Variants in RP1 observed in about 807,000 individuals in gnomAD.
RP1 encodes the protein RP1 axonemal microtubule associated.
RP1 carries 16 observed loss-of-function variants against 14.8 expected under a neutral mutation model. That is an observed-to-expected ratio of 1.08 (90% CI 0.73 to 1.65). The LOEUF (loss-of-function observed/expected upper bound fraction) is 1.65. Among genes scored for constraint, RP1 ranks in the 40% most tolerant of loss-of-function variants. RP1 has a pLI of 0.00. For missense variants in RP1, 2,631 were observed against 2,535.0 expected (o/e 1.04, Z -0.81); for synonymous variants, 876 against 883.6 (o/e 0.99, Z 0.15).
intron 1 of RP1, among the ~76,000 whole-genome samples, chr8:54,606,918 T>C (rs10111024): frequency 0.46 from 69,346 of 151,936 alleles, 17,557 homozygotes; most frequent in African/African-American, 0.66. Flanking sequence ...GACTTCTCTG[T>C]ATTGGTTATT....
chr8:54,741,707 G>GCA (rs1554528861), intron 19 of RP1, among the ~76,000 whole-genome samples: 628 of 58,038 alleles, frequency 0.011, 4 homozygotes, highest in Non-Finnish European at 0.016. Context: ...AAATGTGTGT[G>GCA]TATATATATA....
intron 1 of RP1, among the ~76,000 whole-genome samples, chr8:54,590,082 A>T (rs942481380): frequency 5.3e-5 from 8 of 151,994 alleles, no homozygotes; most frequent in African/African-American, 1.9e-4. Flanking sequence ...CTGCCATTCC[A>T]CTGTGCTCAG....
chr8:54,775,472 C>T (rs1810010740), intron 23 of RP1, among the ~76,000 whole-genome samples: 1 of 152,138 alleles, frequency 6.6e-6, no homozygotes, highest in Non-Finnish European at 1.5e-5. Flanking sequence ...AAAGCCTGGA[C>T]CTTATAGAGA....
chr8:54,567,146 T>C (rs968921224), intron 1 of RP1, among the ~76,000 whole-genome samples: 3 of 152,228 alleles, frequency 2.0e-5, no homozygotes, highest in Non-Finnish European at 4.4e-5. Flanking sequence ...GACTTTTGCT[T>C]GTCCAAAGAA....
chr8:54,814,560 G>T (rs913265977), intron 24 of RP1, among the ~76,000 whole-genome samples: 3 of 152,148 alleles, frequency 2.0e-5, no homozygotes, highest in Middle Eastern at 3.2e-3. Flanking sequence ...GTCCTGGTAT[G>T]GAACTCAGCA....
At chr8:54,661,840 G>A (rs995974112) in intron 6 of RP1, among the ~76,000 whole-genome samples, 10 of 152,010 alleles carry the variant, frequency 6.6e-5, no homozygotes, top group African/African-American at 2.4e-4. Flanking sequence ...CTATTTATCT[G>A]TCTTCAAGCT....
intron 6 of RP1, among the ~76,000 whole-genome samples, chr8:54,657,194 TC>T (rs1806773590): frequency 6.6e-6 from 1 of 152,172 alleles, no homozygotes; most frequent in Non-Finnish European, 1.5e-5. Flanking sequence ...TCACTATTCT[TC>T]CTCATCAGCC....
intron 3 of RP1, among the ~76,000 whole-genome samples, chr8:54,645,026 A>G (rs1163648627): frequency 6.6e-6 from 1 of 152,192 alleles, no homozygotes; most frequent in Non-Finnish European, 1.5e-5. Flanking sequence ...AATTTATATC[A>G]TAATTACATC....
intron 24 of RP1, among the ~76,000 whole-genome samples, chr8:54,787,108 G>A (rs188532759): frequency 1.4e-4 from 21 of 152,260 alleles, no homozygotes; most frequent in Non-Finnish European, 2.5e-4. Flanking sequence ...GCAAAATGGT[G>A]TCAGTGGCTT....
chr8:54,770,300 T>C (rs969250030), downstream of RP1: 2 of 393,910 alleles, frequency 5.1e-6, no homozygotes, highest in African/African-American at 4.1e-5. Context: ...ATACTTAAAA[T>C]GAACACGGAA....
intron 19 of RP1, among the ~76,000 whole-genome samples, chr8:54,742,162 A>T (rs1809113668): frequency 6.6e-6 from 1 of 152,158 alleles, no homozygotes; most frequent in South Asian, 2.1e-4. Context: ...GTATGGAAGC[A>T]CTAGATTATA....
chr8:54,574,955 G>C (rs922404959), intron 1 of RP1, among the ~76,000 whole-genome samples: 3 of 152,072 alleles, frequency 2.0e-5, no homozygotes, highest in Admixed American at 2.0e-4. Context: ...CTCATTAAAG[G>C]CCATCTTTGG....
chr8:54,612,856 T>C (rs538578904), upstream of RP1, among the ~76,000 whole-genome samples: 25 of 152,300 alleles, frequency 1.6e-4, no homozygotes, highest in African/African-American at 5.5e-4. Context: ...CTGAACACCA[T>C]TTCCCCTGAC....
chr8:54,626,354 C>A lies in RP1; in HGVS notation c.2472C>A (p.Asn824Lys). 3 of 1,613,460 alleles carry A rather than the reference C, an allele frequency of 1.9e-6. No homozygotes were observed. Among genetic ancestry groups the A allele is most frequent in the Non-Finnish European group, 2.5e-6 (3 of 1,179,832 alleles). The change falls in exon 4 of 4, where the codon AAC becomes AAA. Residue 824 changes from asparagine (N) to lysine (K), a missense_variant. Asn to Lys is a moderately conservative substitution (Grantham distance 94). Transcript: ENST00000220676. Reference sequence around the variant, plus strand: ...ACAAAAGTTTATTTCATGTATTTAACATCCTTGAGCAAAAACCCAAAGATT... The same window carrying A: ...ACAAAAGTTTATTTCATGTATTTAAAATCCTTGAGCAAAAACCCAAAGATT... ...FENKSLFHVF[N>K]ILEQKPKDFY...
At chr8:54,560,194 G>T (rs1804253951) in intron 1 of RP1, 1 of 152,106 alleles carries the variant, frequency 6.6e-6, no homozygotes, top group Non-Finnish European at 1.5e-5. Flanking sequence ...TGATGTGAGG[G>T]TTGGGACCTC....
At chr8:54,591,562 C>G (rs1463916727) in intron 1 of RP1, among the ~76,000 whole-genome samples, 1 of 152,114 alleles carries the variant, frequency 6.6e-6, no homozygotes, top group East Asian at 1.9e-4. Flanking sequence ...TTTTCACATC[C>G]CTTCTGTACC....
At chr8:54,758,335 A>C (rs1395935577) in intron 21 of RP1, among the ~76,000 whole-genome samples, 5 of 152,108 alleles carry the variant, frequency 3.3e-5, no homozygotes, top group Admixed American at 1.3e-4. Context: ...TTGATATAAC[A>C]AACCAATTCT....
intron 16 of RP1, among the ~76,000 whole-genome samples, chr8:54,725,070 T>C (rs1003617389): frequency 6.6e-6 from 1 of 152,202 alleles, no homozygotes; most frequent in African/African-American, 2.4e-5. Context: ...GGTCTCTCTC[T>C]GGGCTGTAAC....
At chr8:54,836,734 C>A (rs1811666160) in intron 24 of RP1, among the ~76,000 whole-genome samples, 1 of 152,134 alleles carries the variant, frequency 6.6e-6, no homozygotes, top group Admixed American at 6.5e-5. Flanking sequence ...TCAGCTGAGC[C>A]ACATGGTGCC....
Sources: allele counts gnomAD v4.1 joint callset (sites outside exome capture counted in the v4.1 genomes callset), GRCh38; gene constraint gnomAD v4.1.1; transcripts MANE v1.5; gene names NCBI Gene and HGNC (gene_info 2026-07-23, HGNC 2026-07-21).